The following SLC4A10 variants were observed in gnomAD, a reference collection of about 807,000 sequenced individuals.
SLC4A10 encodes sodium-driven chloride bicarbonate exchanger.
Under a neutral mutation model 137.7 loss-of-function variants are expected in SLC4A10, and 42 were observed. The ratio of observed to expected loss-of-function variants is 0.30; its 90% confidence interval spans 0.24 to 0.39. The LOEUF (loss-of-function observed/expected upper bound fraction) is 0.39, where lower values mean the gene tolerates loss of function less well. Among genes scored for constraint, SLC4A10 ranks in the 10% least tolerant of loss-of-function variants. The pLI, the probability that SLC4A10 is intolerant of heterozygous loss-of-function variation, is 1.00. For synonymous variants in SLC4A10, 474 were observed against 464.1 expected (o/e 1.02, Z -0.27); for missense variants, 925 against 1,355.0 (o/e 0.68, Z 4.98).
chr2:161,749,090 T>C (rs1228149050), intron 1 of SLC4A10, among the ~76,000 whole-genome samples: 2 of 152,046 alleles, frequency 1.3e-5, no homozygotes, highest in African/African-American at 4.8e-5. Flanking sequence ...TTGTTTTTAG[T>C]GTAAAGAAAT....
chr2:161,864,673 G>A (rs1311023767), intron 6 of SLC4A10, among the ~76,000 whole-genome samples: 1 of 152,100 alleles, frequency 6.6e-6, no homozygotes, highest in East Asian at 1.9e-4. Flanking sequence ...ATACCAACTT[G>A]TGTTTGTAGA....
At chr2:161,663,025 T>C (rs1224626909) in intron 1 of SLC4A10, among the ~76,000 whole-genome samples, 1 of 152,198 alleles carries the variant, frequency 6.6e-6, no homozygotes, top group African/African-American at 2.4e-5. Flanking sequence ...CTTAACTTTG[T>C]GTCCTTATGG....
intron 11 of SLC4A10, among the ~76,000 whole-genome samples, chr2:161,895,058 C>T: frequency 8.7e-6 from 1 of 114,344 alleles, no homozygotes; most frequent in Admixed American, 9.9e-5. Flanking sequence ...TGCTATCCCT[C>T]CCCCCTCCCC....
chr2:161,832,416 A>G (rs978708551), intron 3 of SLC4A10, among the ~76,000 whole-genome samples: 5 of 152,220 alleles, frequency 3.3e-5, no homozygotes, highest in Non-Finnish European at 5.9e-5. Context: ...AAAAAGAAGG[A>G]TGATGGCCTC....
intron 1 of SLC4A10, among the ~76,000 whole-genome samples, chr2:161,711,838 G>A (rs1000782177): frequency 6.6e-6 from 1 of 151,758 alleles, no homozygotes; most frequent in African/African-American, 2.4e-5. Context: ...GTGTAATATA[G>A]GGATAATAAT....
At chr2:161,913,390 A>G (rs1460804002) in intron 15 of SLC4A10, among the ~76,000 whole-genome samples, 1 of 152,146 alleles carries the variant, frequency 6.6e-6, no homozygotes, top group Non-Finnish European at 1.5e-5. Flanking sequence ...ATCCTTAATA[A>G]CCATTCTAAA....
intron 21 of SLC4A10, among the ~76,000 whole-genome samples, chr2:161,959,302 A>G (rs541473507): frequency 6.6e-6 from 1 of 152,366 alleles, no homozygotes; most frequent in Non-Finnish European, 1.5e-5. Context: ...GAATTATTTA[A>G]GTAAGTATTG....
chr2:161,890,839 C>T (rs537967039), intron 10 of SLC4A10, among the ~76,000 whole-genome samples: 1 of 152,048 alleles, frequency 6.6e-6, no homozygotes, highest in East Asian at 1.9e-4. Flanking sequence ...CATTATAATG[C>T]TAGCTGGTTA....
chr2:161,669,862 G>A (rs1326095835), intron 1 of SLC4A10, among the ~76,000 whole-genome samples: 4 of 151,984 alleles, frequency 2.6e-5, no homozygotes, highest in Admixed American at 2.0e-4. Flanking sequence ...TTATTATGAA[G>A]CCATGGTTTG....
intron 26 of SLC4A10, among the ~76,000 whole-genome samples, chr2:161,979,293 T>C (rs540328883): frequency 3.3e-5 from 5 of 152,232 alleles, no homozygotes; most frequent in Non-Finnish European, 5.9e-5. Flanking sequence ...TCTTTTTGTT[T>C]TAAAAATATA....
At chr2:161,813,229 A>G (rs1376370793) in intron 3 of SLC4A10, among the ~76,000 whole-genome samples, 1 of 151,802 alleles carries the variant, frequency 6.6e-6, no homozygotes, top group African/African-American at 2.4e-5. Context: ...TCTCATTTTT[A>G]AACAAGGAAA....
At chr2:161,918,356 A>T (rs2105475852) in intron 15 of SLC4A10, among the ~76,000 whole-genome samples, 1 of 152,168 alleles carries the variant, frequency 6.6e-6, no homozygotes, top group Non-Finnish European at 1.5e-5. Context: ...GGGTTTTACC[A>T]TGTTAGCCAG....
chr2:161,880,504 A>T (rs1412927861), intron 9 of SLC4A10, among the ~76,000 whole-genome samples: 1 of 152,062 alleles, frequency 6.6e-6, no homozygotes, highest in African/African-American at 2.4e-5. Context: ...TTGGGGGAGG[A>T]ATCTAGTTAC....
At chr2:161,686,186 A>G in intron 1 of SLC4A10, among the ~76,000 whole-genome samples, 1 of 152,258 alleles carries the variant, frequency 6.6e-6, no homozygotes, top group Non-Finnish European at 1.5e-5. Context: ...TGATATTTTT[A>G]GTATATAAAC....
chr2:161,820,135 A>G (rs375321609), intron 3 of SLC4A10, among the ~76,000 whole-genome samples: 7 of 152,306 alleles, frequency 4.6e-5, no homozygotes, highest in African/African-American at 1.7e-4. Context: ...ACAGTCCTGG[A>G]ATTATAATAG....
intron 4 of SLC4A10, among the ~76,000 whole-genome samples, chr2:161,848,870 T>G (rs1407248803): frequency 6.6e-6 from 1 of 152,226 alleles, no homozygotes; most frequent in Non-Finnish European, 1.5e-5. Context: ...TTGGGATCTT[T>G]TTTGGTTCCA....
At chr2:161,689,298 C>A (rs971284479) in intron 1 of SLC4A10, among the ~76,000 whole-genome samples, 1 of 152,116 alleles carries the variant, frequency 6.6e-6, no homozygotes, top group African/African-American at 2.4e-5. Flanking sequence ...CTGACTCACC[C>A]AGAGCAACTT....
At chr2:161,941,062 T>C (rs1692599302) in intron 15 of SLC4A10, among the ~76,000 whole-genome samples, 1 of 152,114 alleles carries the variant, frequency 6.6e-6, no homozygotes, top group Non-Finnish European at 1.5e-5. Flanking sequence ...TAGAACAGAA[T>C]AGCTGGGTAT....
At chr2:161,676,611 A>G (rs1466786970) in intron 1 of SLC4A10, among the ~76,000 whole-genome samples, 1 of 152,208 alleles carries the variant, frequency 6.6e-6, no homozygotes, top group Non-Finnish European at 1.5e-5. Flanking sequence ...TAAGTACTCC[A>G]TTGACATAAA....
Sources: allele counts gnomAD v4.1 joint callset (sites outside exome capture counted in the v4.1 genomes callset), GRCh38; gene constraint gnomAD v4.1.1; transcripts MANE v1.5; gene names NCBI Gene and HGNC (gene_info 2026-07-23, HGNC 2026-07-21).